Variants in GNAO1 observed in about 807,000 individuals in gnomAD.
The protein encoded by GNAO1 is guanine nucleotide-binding protein G(o) subunit alpha.
For missense variants in GNAO1, 166 were observed against 478.7 expected (o/e 0.35, Z 6.10); for synonymous variants, 164 against 180.7 (o/e 0.91, Z 0.74).
At chr16:56,271,688 C>T (rs547062689) in intron 2 of GNAO1, among the ~76,000 whole-genome samples, 9 of 152,230 alleles carry the variant, frequency 5.9e-5, no homozygotes, top group African/African-American at 1.7e-4. Context: ...CTCCTGACCT[C>T]GTGATCTGCC....
intron 3 of GNAO1, among the ~76,000 whole-genome samples, chr16:56,327,437 G>C (rs1209011599): frequency 1.3e-5 from 2 of 152,002 alleles, no homozygotes; most frequent in Non-Finnish European, 2.9e-5. Context: ...GCAGAGGAGG[G>C]GTGAAAGGCC....
intron 4 of GNAO1, among the ~76,000 whole-genome samples, chr16:56,329,994 A>G (rs1341038356): frequency 6.6e-6 from 1 of 152,226 alleles, no homozygotes; most frequent in Non-Finnish European, 1.5e-5. Context: ...CGCAATGCCA[A>G]TGGACAGAGG....
chr16:56,258,731 C>A (rs2036876160), intron 2 of GNAO1, among the ~76,000 whole-genome samples: 2 of 152,252 alleles, frequency 1.3e-5, no homozygotes, highest in Non-Finnish European at 2.9e-5. Context: ...CTGCCTGTTA[C>A]AGAGCGCTTC....
intron 4 of GNAO1, 39 bp from the exon 5 acceptor site, chr16:56,334,690 G>A (rs767791130): frequency 6.2e-7 from 1 of 1,611,312 alleles, no homozygotes; most frequent in East Asian, 2.2e-5. Flanking sequence ...CAGTGTCCAG[G>A]CATTTGGTCC....
Position 56,334,700 on chromosome 16 carries a change from C to T in GNAO1, c.465-29C>T, listed in dbSNP as rs1244828662. ...CCGAACAGTGTCCAGGCATTTGGTC[C>T]ATAGTCCCCTGTTTGTTGCCATCCT... On this transcript the variant is annotated intron_variant, in intron 4 of 8. Transcript: ENST00000262493. 2.5e-6 allele frequency: 4 copies of T among 1,612,986 alleles called. No individual in the cohort carries two copies. In the South Asian group the frequency reaches 3.3e-5, roughly 13 times the overall value.
intron 2 of GNAO1, among the ~76,000 whole-genome samples, chr16:56,264,154 C>T (rs577372915): frequency 1.3e-5 from 2 of 152,248 alleles, no homozygotes; most frequent in Non-Finnish European, 2.9e-5. Flanking sequence ...AAGGATTCTT[C>T]TGCCCTCATC....
rs370643981 is a variant in GNAO1 at position 56,347,990 on chromosome 16, G to A, written c.724-3394G>A. On this transcript the variant is annotated intron_variant, in intron 6 of 8. Coordinates refer to ENST00000262493, the MANE Select transcript of GNAO1 (RefSeq NM_020988.3). ...CCATCTAGGCGAGGTGGGCTCGGGC[G>A]TCCCAGGCCCTCCTTAGAAAAGCCG... 3.0e-5 allele frequency: 29 copies of A among 978,640 alleles called. No homozygotes were observed. The African/African-American group carries it at 3.2e-4, about 11-fold the overall frequency. The allele number at this position is 978,640 out of a possible 1,614,324, so 60.6% of individuals were successfully genotyped here. A position where few individuals can be genotyped will look rare whatever the true frequency, so the allele number is the denominator to read the frequency against.
chr16:56,355,571 C>T (rs1205833597), intron 8 of GNAO1: 4 of 152,270 alleles, frequency 2.6e-5, no homozygotes, highest in African/African-American at 9.7e-5. Flanking sequence ...CAGAAATGGC[C>T]GAAGCCCTAA....
At chr16:56,310,461 C>T (rs758994871) in intron 3 of GNAO1, among the ~76,000 whole-genome samples, 4 of 152,202 alleles carry the variant, frequency 2.6e-5, no homozygotes, top group Non-Finnish European at 5.9e-5. Flanking sequence ...ATGCGAGTAA[C>T]TGAGGCTTGG....
At chr16:56,345,195 AC>A in intron 6 of GNAO1, 1 of 985,426 alleles carries the variant, frequency 1.0e-6, no homozygotes, top group East Asian at 1.1e-4. Context: ...CAACCAACAC[AC>A]CTCTCCCACT....
chr16:56,216,207 C>T (rs1408359338), intron 2 of GNAO1, among the ~76,000 whole-genome samples: 2 of 152,194 alleles, frequency 1.3e-5, no homozygotes, highest in Non-Finnish European at 2.9e-5. Context: ...CTAAAATGTA[C>T]ATTTAAGATG....
intron 2 of GNAO1, 39 bp downstream of exon 2, chr16:56,192,655 G>A: frequency 5.3e-6 from 7 of 1,329,696 alleles, no homozygotes; most frequent in Non-Finnish European, 7.6e-6. Flanking sequence ...CTTTTATTAA[G>A]AATAATTTTT....
chr16:56,330,821 TCTC>T (rs1181064038), intron 4 of GNAO1, among the ~76,000 whole-genome samples: 4 of 152,238 alleles, frequency 2.6e-5, no homozygotes, highest in Non-Finnish European at 5.9e-5. Context: ...CTGAGGAAAT[TCTC>T]CTCCCTGCAG....
At chr16:56,269,528 T>C (rs1204415992) in intron 2 of GNAO1, among the ~76,000 whole-genome samples, 1 of 152,172 alleles carries the variant, frequency 6.6e-6, no homozygotes, top group Non-Finnish European at 1.5e-5. Context: ...ATCCTAACCA[T>C]GAACCAGCTC....
intron 3 of GNAO1, among the ~76,000 whole-genome samples, chr16:56,316,884 G>T (rs75132569): frequency 0.021 from 3,233 of 152,320 alleles, 135 homozygotes; most frequent in African/African-American, 0.073. Context: ...GCCAGGGCCA[G>T]GAGTGGGAAA....
intron 2 of GNAO1, among the ~76,000 whole-genome samples, chr16:56,250,530 A>C (rs973822816): frequency 2.0e-5 from 3 of 152,264 alleles, no homozygotes; most frequent in African/African-American, 7.2e-5. Flanking sequence ...TTTGGAAAAC[A>C]TAGCCAGAAG....
At chr16:56,328,063 T>A (rs1283367372) in intron 3 of GNAO1, among the ~76,000 whole-genome samples, 1 of 152,186 alleles carries the variant, frequency 6.6e-6, no homozygotes, top group Non-Finnish European at 1.5e-5. Context: ...CCCCCAGTCC[T>A]GAGGCACAGC....
chr16:56,256,686 GTC>G (rs1172369417), intron 2 of GNAO1, among the ~76,000 whole-genome samples: 4,163 of 136,182 alleles, frequency 0.031, 82 homozygotes, highest in South Asian at 0.046. Context: ...CTTTCTCTCT[GTC>G]TCTCTCTCTC....
At chr16:56,211,061 C>A (rs1399650582) in intron 2 of GNAO1, among the ~76,000 whole-genome samples, 1 of 152,148 alleles carries the variant, frequency 6.6e-6, no homozygotes, top group Non-Finnish European at 1.5e-5. Context: ...CTATGGCTAG[C>A]TAGTAGCAGA....
Sources: allele counts gnomAD v4.1 joint callset (sites outside exome capture counted in the v4.1 genomes callset), GRCh38; gene constraint gnomAD v4.1.1; transcripts MANE v1.5; gene names NCBI Gene and HGNC (gene_info 2026-07-23, HGNC 2026-07-21).